SH2D4A: variants seen among roughly 807,000 people sequenced by gnomAD.
SH2D4A encodes the protein SH2 domain containing 4A.
Under a neutral mutation model 64.7 loss-of-function variants are expected in SH2D4A, and 70 were observed. That is an observed-to-expected ratio of 1.08 (90% CI 0.89 to 1.32). The LOEUF is 1.32. SH2D4A is among the 40% of genes most tolerant of loss of function. The pLI, the probability that SH2D4A is intolerant of heterozygous loss-of-function variation, is 0.00. For missense variants in SH2D4A, 706 were observed against 540.1 expected (o/e 1.31, Z -3.04); for synonymous variants, 268 against 200.7 (o/e 1.34, Z -2.83).
chr8:19,362,883 T>G (rs538240814), intron 6 of SH2D4A, among the ~76,000 whole-genome samples: 1 of 152,270 alleles, frequency 6.6e-6, no homozygotes, highest in East Asian at 1.9e-4. Context: ...TGTAAAGTGT[T>G]TACAAAGTCA....
chr8:19,330,021 T>C (rs898285860), intron 2 of SH2D4A, among the ~76,000 whole-genome samples: 2 of 152,200 alleles, frequency 1.3e-5, no homozygotes, highest in Non-Finnish European at 2.9e-5. Flanking sequence ...AATGTCTTGC[T>C]CCTTCTCTTG....
intron 7 of SH2D4A, among the ~76,000 whole-genome samples, chr8:19,368,499 A>G (rs1486865169): frequency 6.6e-6 from 1 of 151,356 alleles, no homozygotes; most frequent in Admixed American, 6.6e-5. Context: ...TGGGATGTCT[A>G]TTTTTTTGTT....
At position 19,393,496 on chromosome 8, in the gene SH2D4A, C is replaced by G. The variant is rs1181585547; in HGVS notation, c.1227C>G (p.Asp409Glu). ...SADAYSFLGV[D>E]QLQHATLADL... ...ACGCCTACAGCTTCCTGGGCGTGGA[C>G]CAGCTACAGCATGCCACCTTGGCGG... is the stretch of plus-strand genomic sequence containing the variant. The change falls in exon 9 of 10, where the codon GAC (aspartate) becomes GAG (glutamate). Residue 409 changes from aspartate (D) to glutamate (E), a missense_variant. Asp to Glu is a conservative substitution (Grantham distance 45, BLOSUM62 2). Coordinates refer to ENST00000265807, the MANE Select transcript of SH2D4A (RefSeq NM_022071.4). 5.6e-6 allele frequency: 9 copies of G among 1,614,214 alleles called. No homozygotes were observed. The highest frequency in any genetic ancestry group is 6.8e-6 in the Non-Finnish European group (8 of 1,180,042).
intron 6 of SH2D4A, chr8:19,363,847 C>G: frequency 5.5e-6 from 3 of 548,118 alleles, no homozygotes; most frequent in Non-Finnish European, 6.5e-6. Context: ...TTTTCTCTCC[C>G]TCTCAGAAAA....
chr8:19,319,500 G>C lies in SH2D4A; in HGVS notation c.-48G>C. The C allele has an allele frequency of 7.1e-7, 1 of 1,415,026 alleles. No homozygotes were observed. The highest frequency in any genetic ancestry group is 2.7e-5 in the East Asian group (1 of 37,694). The allele number at this position is 1,415,026 out of a possible 1,614,324, so 87.7% of individuals were successfully genotyped here. On this transcript the variant is annotated 5_prime_UTR_variant, in exon 2 of 10. Transcript: ENST00000265807. ...CAGGTGGAGGGACACCTGGAGGCCA[G>C]TTTCAGGAACTTTTGCCACAAGTAT...
intron 4 of SH2D4A, among the ~76,000 whole-genome samples, 164 bp downstream of exon 4, chr8:19,335,021 T>C (rs567260124): frequency 6.3e-4 from 96 of 152,082 alleles, no homozygotes; most frequent in African/African-American, 1.6e-3. Flanking sequence ...CGGTGGCTCA[T>C]GCCTGTAATC....
At chr8:19,327,404 T>C (rs1044406434) in intron 2 of SH2D4A, among the ~76,000 whole-genome samples, 1 of 152,184 alleles carries the variant, frequency 6.6e-6, no homozygotes, top group South Asian at 2.1e-4. Context: ...AAAAGACACG[T>C]GCATGCCCCA....
Position 19,374,415 on chromosome 8 carries a change from A to G in SH2D4A, c.1048+755A>G, listed in dbSNP as rs530093942. Reference sequence around the variant, plus strand: ...TGGACTAATTGGCTATATGGACAACAAAAGGTGCTTTAAAACAAAAATACA... The same window carrying G: ...TGGACTAATTGGCTATATGGACAACGAAAGGTGCTTTAAAACAAAAATACA... On this transcript the variant is annotated intron_variant, in intron 8 of 9. Transcript: ENST00000265807. Among the ~76,000 whole-genome samples, 12 of 152,266 alleles carry G rather than the reference A, an allele frequency of 7.9e-5. No homozygotes were observed. In the South Asian group the frequency reaches 2.5e-3, roughly 32 times the overall value.
rs1448433268 is a variant in SH2D4A at position 19,333,015 on chromosome 8, T to C, written c.242T>C (p.Met81Thr). Residue 81 changes from methionine (M) to threonine (T), a missense_variant, in exon 3 of 10, where the codon ATG becomes ACG. Transcript: ENST00000265807. ...GATAAGGAAGTCTGGGTATGGGTGA[T>C]GGGCGAACACCATCTAGATAAACCC... Reference protein sequence around the residue: ...GADKEVWVWVMGEHHLDKPYD... With the variant: ...GADKEVWVWVTGEHHLDKPYD... The C allele has an allele frequency of 6.2e-7, 1 of 1,614,108 alleles. No individual in the cohort carries two copies. The highest frequency in any genetic ancestry group is 1.1e-5 in the South Asian group (1 of 91,068).
intron 7 of SH2D4A, among the ~76,000 whole-genome samples, chr8:19,373,273 A>G (rs1248533084): frequency 6.6e-6 from 1 of 151,616 alleles, no homozygotes; most frequent in African/African-American, 2.4e-5. Context: ...AGGTCATTGA[A>G]TTAGATCTGG....
At chr8:19,393,680 C>T in intron 9 of SH2D4A, 139 bp downstream of exon 9, 1 of 765,476 alleles carries the variant, frequency 1.3e-6, no homozygotes, top group East Asian at 2.7e-5. Flanking sequence ...TTTGATAATT[C>T]TTCCTGATAA....
chr8:19,394,061 T>G (rs1195047423), intron 9 of SH2D4A, among the ~76,000 whole-genome samples: 1 of 152,216 alleles, frequency 6.6e-6, no homozygotes, highest in African/African-American at 2.4e-5. Context: ...GATGGGGGAC[T>G]GTGACAGATC....
intron 8 of SH2D4A, among the ~76,000 whole-genome samples, chr8:19,391,718 A>T (rs1037423592): frequency 2.6e-5 from 4 of 152,192 alleles, no homozygotes; most frequent in Admixed American, 2.0e-4. Flanking sequence ...GACAATTTTT[A>T]AAATCCTCCT....
chr8:19,316,729 C>T (rs2052094930), intron 1 of SH2D4A, among the ~76,000 whole-genome samples: 1 of 152,168 alleles, frequency 6.6e-6, no homozygotes. Flanking sequence ...TCTGGGCACA[C>T]AAATAAACTC....
intron 3 of SH2D4A, 118 bp downstream of exon 3, chr8:19,333,232 CAA>C (rs2052392220): frequency 2.6e-6 from 3 of 1,153,116 alleles, no homozygotes; most frequent in African/African-American, 1.6e-5. Flanking sequence ...TGGAGGGTCA[CAA>C]AAGTCACTTT....
chr8:19,382,046 C>T (rs905224230), intron 8 of SH2D4A, among the ~76,000 whole-genome samples: 3 of 152,038 alleles, frequency 2.0e-5, no homozygotes, highest in African/African-American at 7.2e-5. Flanking sequence ...AACCATGTTA[C>T]TATAATACTA....
chr8:19,392,361 G>A (rs933830968), intron 8 of SH2D4A, among the ~76,000 whole-genome samples: 5 of 152,132 alleles, frequency 3.3e-5, no homozygotes, highest in African/African-American at 9.7e-5. Context: ...TCCCACACCA[G>A]GGAGTCTCAA....
At position 19,395,818 on chromosome 8, in the gene SH2D4A, A is replaced by G. The variant is rs756485819; in HGVS notation, c.*1176A>G. 6.6e-6 allele frequency: 1 copy of G among 152,174 alleles called. No homozygotes were observed. The highest frequency in any genetic ancestry group is 1.5e-5 in the Non-Finnish European group (1 of 68,042). 9.4% of individuals were successfully genotyped at this position (152,174 alleles called of 1,614,324 possible). On this transcript the variant is annotated 3_prime_UTR_variant, in exon 10 of 10. Coordinates refer to ENST00000265807, the MANE Select transcript of SH2D4A (RefSeq NM_022071.4). ...TCTGTTGTTTTAAGCTGCTTAGTTCATGCTGAGTTCATGCTGACTTGTTAC... is the reference window on the plus strand; with the variant it reads ...TCTGTTGTTTTAAGCTGCTTAGTTCGTGCTGAGTTCATGCTGACTTGTTAC...
intron 9 of SH2D4A, among the ~76,000 whole-genome samples, chr8:19,394,114 C>T (rs2053546397): frequency 6.6e-6 from 1 of 152,130 alleles, no homozygotes; most frequent in Non-Finnish European, 1.5e-5. Context: ...ACTGAGATCC[C>T]TCCCATGCAC....
Sources: gnomAD v4.1 joint callset for allele counts (sites outside exome capture counted in the v4.1 genomes callset) on GRCh38, gnomAD v4.1.1 for gene constraint, MANE v1.5 for transcripts, NCBI Gene and HGNC (gene_info 2026-07-23, HGNC 2026-07-21) for gene names.